Variants in OR7C1 observed in about 807,000 individuals in gnomAD.
OR7C1 encodes the protein olfactory receptor 7C1.
For missense variants in OR7C1, 324 were observed against 383.3 expected (o/e 0.85, Z 1.29); for synonymous variants, 152 against 160.7 (o/e 0.95, Z 0.41).
At chr19:14,826,971 G>A (rs867012873) in intron 1 of OR7C1, 33 of 213,046 alleles carry the variant, frequency 1.5e-4, no homozygotes, top group Admixed American at 2.1e-4. Context: ...CAATTGCCAA[G>A]TGTAGTCTAT....
intron 1 of OR7C1, among the ~76,000 whole-genome samples, chr19:14,830,427 C>A (rs545256448): frequency 9.4e-4 from 142 of 150,560 alleles, no homozygotes; most frequent in Non-Finnish European, 1.5e-3. Context: ...AAGGGTGCAA[C>A]GGGTAGGTTA....
At chr19:14,825,469 T>C (rs756134588) in intron 1 of OR7C1, 4 of 152,228 alleles carry the variant, frequency 2.6e-5, no homozygotes, top group Non-Finnish European at 5.9e-5. Context: ...AGGTAACTAT[T>C]TGAGGCGATG....
chr19:14,817,453 T>C (rs1347066648), intron 1 of OR7C1, among the ~76,000 whole-genome samples: 1 of 152,234 alleles, frequency 6.6e-6, no homozygotes, highest in Non-Finnish European at 1.5e-5. Context: ...TCTTTCCTGC[T>C]GTCTCGTCTG....
Position 14,817,451 on chromosome 19 carries a change from G to A in OR7C1, c.-622-7458C>T, listed in dbSNP as rs752682957. Among the ~76,000 whole-genome samples, 37 of 152,286 alleles carry A rather than the reference G, an allele frequency of 2.4e-4. 1 individual carries two copies. The highest frequency in any genetic ancestry group is 3.4e-4 in the Non-Finnish European group (23 of 68,026). ...GAGGACCTATGCCTCACTCTTTCCT[G>A]CTGTCTCGTCTGGGGACAGAGCTTC... is the stretch of plus-strand genomic sequence containing the variant. On this transcript the variant is annotated intron_variant, in intron 1 of 4. Transcript: ENST00000641666.
At chr19:14,800,138 G>A in exon 5 of OR7C1, 1 of 1,552,640 alleles carries the variant, frequency 6.4e-7, no homozygotes, top group African/African-American at 1.4e-5. Flanking sequence ...TGTTTCCATG[G>A]GGATAAAATA....
At chr19:14,814,689 T>G (rs993761388) in intron 1 of OR7C1, among the ~76,000 whole-genome samples, 30 of 152,158 alleles carry the variant, frequency 2.0e-4, no homozygotes, top group Non-Finnish European at 3.4e-4. Context: ...CCTCCCAAAG[T>G]GCTGGGATTA....
In OR7C1 at chr19:14,819,438, G is replaced by A. The variant is rs1259369807; in HGVS notation, c.-622-9445C>T. On this transcript the variant is annotated intron_variant, in intron 1 of 4. Coordinates refer to ENST00000641666, the Ensembl canonical transcript of OR7C1. ...ATGTGGTATTTGGTTTTCTGTTCCT[G>A]GGTCAGTTTGCTGAGGATAATGGCT... Among the ~76,000 whole-genome samples the A allele has an allele frequency of 2.0e-5, 3 of 152,064 alleles. No individual in the cohort carries two copies. The East Asian group carries it at 5.8e-4, about 29-fold the overall frequency.
chr19:14,832,076 T>C (rs562020205), intron 1 of OR7C1, among the ~76,000 whole-genome samples: 1 of 152,228 alleles, frequency 6.6e-6, no homozygotes, highest in South Asian at 2.1e-4. Context: ...ACCTAGCTAA[T>C]TTTGTTCATG....
At chr19:14,814,737 C>G (rs1328160808) in intron 1 of OR7C1, among the ~76,000 whole-genome samples, 1 of 152,034 alleles carries the variant, frequency 6.6e-6, no homozygotes, top group Non-Finnish European at 1.5e-5. Context: ...GAAAATGCTC[C>G]TTAACTGAAC....
At chr19:14,823,250 C>T (rs375824062) in intron 1 of OR7C1, among the ~76,000 whole-genome samples, 12 of 151,920 alleles carry the variant, frequency 7.9e-5, no homozygotes, top group African/African-American at 2.9e-4. Context: ...GTCTAGAGTT[C>T]GAGACCAGCC....
intron 1 of OR7C1, among the ~76,000 whole-genome samples, chr19:14,829,351 GCAC>G (rs1454516320): frequency 2.0e-5 from 3 of 152,162 alleles, no homozygotes; most frequent in African/African-American, 7.2e-5. Context: ...TTACAGGCAT[GCAC>G]CACCACGCCC....
At position 14,822,373 on chromosome 19, in the gene OR7C1, C is replaced by CT. The variant is rs1162241411; in HGVS notation, c.-622-12381dup. 3.5e-3 allele frequency among the ~76,000 whole-genome samples: 238 copies of CT among 67,706 alleles called. 42 individuals are homozygous for CT. Among genetic ancestry groups the CT allele is most frequent in the South Asian group, 6.9e-3 (10 of 1,458 alleles). 44.4% of individuals were successfully genotyped at this position (67,706 alleles called of 152,430 possible). Reference sequence around the variant, plus strand: ...ATCCTCATCAGCACTTATCTCCTGTCTTTTTTTTTTTTTTTTTTTTTTTTT... The same window carrying CT: ...ATCCTCATCAGCACTTATCTCCTGTCTTTTTTTTTTTTTTTTTTTTTTTTTT... On this transcript the variant is annotated intron_variant, in intron 1 of 4. Transcript: ENST00000641666.
intron 1 of OR7C1, among the ~76,000 whole-genome samples, chr19:14,813,813 A>G (rs986059968): frequency 6.6e-6 from 1 of 151,954 alleles, no homozygotes; most frequent in Non-Finnish European, 1.5e-5. Context: ...CCATGACCCA[A>G]TCACCTCCCA....
intron 1 of OR7C1, among the ~76,000 whole-genome samples, chr19:14,829,725 C>T (rs189052842): frequency 1.7e-4 from 26 of 152,282 alleles, no homozygotes; most frequent in African/African-American, 6.3e-4. Flanking sequence ...AAATGCATCC[C>T]CTCTTTATTT....
chr19:14,813,107 C>G (rs1029982500), intron 1 of OR7C1, among the ~76,000 whole-genome samples: 1 of 150,296 alleles, frequency 6.7e-6, no homozygotes, highest in Non-Finnish European at 1.5e-5. Context: ...AGTGTCCAAA[C>G]CAGAAAACAT....
At chr19:14,798,921 C>G (rs1395624841) in exon 5 of OR7C1, 2 of 355,458 alleles carry the variant, frequency 5.6e-6, no homozygotes, top group Non-Finnish European at 1.0e-5. Flanking sequence ...GCTTGCTTAT[C>G]TATGTCTGCA....
At chr19:14,828,380 C>T (rs779119376) in intron 1 of OR7C1, 1 of 963,994 alleles carries the variant, frequency 1.0e-6, no homozygotes, top group Non-Finnish European at 1.5e-6. Flanking sequence ...ATCTGGTTCT[C>T]TTTAAGGGAT....
intron 1 of OR7C1, among the ~76,000 whole-genome samples, chr19:14,813,768 C>T (rs141880983): frequency 0.011 from 1,685 of 152,092 alleles, 19 homozygotes; most frequent in Non-Finnish European, 0.019. Flanking sequence ...AAAACTCACT[C>T]ACTATCACAA....
At chr19:14,808,439 A>G (rs888099242) in intron 2 of OR7C1, among the ~76,000 whole-genome samples, 6 of 152,058 alleles carry the variant, frequency 3.9e-5, no homozygotes, top group African/African-American at 1.5e-4. Flanking sequence ...CTACTCAGCC[A>G]TAAAAAGAAT....
Sources: allele counts gnomAD v4.1 joint callset (sites outside exome capture counted in the v4.1 genomes callset), GRCh38; gene constraint gnomAD v4.1.1; transcripts MANE v1.5; gene names NCBI Gene and HGNC (gene_info 2026-07-23, HGNC 2026-07-21).